ATP8A2: variants seen among roughly 807,000 people sequenced by gnomAD.
The protein encoded by ATP8A2 is ATPase phospholipid transporting 8A2.
Under a neutral mutation model 165.6 loss-of-function variants are expected in ATP8A2, and 100 were observed. The observed-to-expected ratio is 0.60, with a 90% CI of 0.51 to 0.71. The LOEUF is 0.71. Ranked by LOEUF, ATP8A2 falls within the 30% of genes least tolerant of loss-of-function variation. The probability of loss-of-function intolerance (pLI) is 0.00; values close to 1 mark genes in which losing one functional copy is unlikely to be tolerated. For missense variants in ATP8A2, 1,227 were observed against 1,479.5 expected (o/e 0.83, Z 2.80); for synonymous variants, 543 against 548.8 (o/e 0.99, Z 0.15).
chr13:25,562,426 C>T (rs560567255), intron 15 of ATP8A2, among the ~76,000 whole-genome samples: 1 of 152,232 alleles, frequency 6.6e-6, no homozygotes, highest in South Asian at 2.1e-4. Context: ...CACAAGAAAC[C>T]TGACTGCTAG....
intron 27 of ATP8A2, among the ~76,000 whole-genome samples, chr13:25,786,291 C>T (rs1455408308): frequency 6.6e-6 from 1 of 152,214 alleles, no homozygotes; most frequent in Non-Finnish European, 1.5e-5. Flanking sequence ...ATGCCCTTAA[C>T]TTCTCAGTTC....
intron 2 of ATP8A2, among the ~76,000 whole-genome samples, chr13:25,496,363 G>A (rs908169703): frequency 9.2e-5 from 14 of 152,140 alleles, no homozygotes; most frequent in African/African-American, 2.7e-4. Context: ...TTCCTATTGC[G>A]TCTGGCTTAT....
chr13:25,656,788 C>T (rs1176596832), intron 24 of ATP8A2, among the ~76,000 whole-genome samples: 2 of 149,506 alleles, frequency 1.3e-5, no homozygotes, highest in Non-Finnish European at 3.0e-5. Flanking sequence ...TGTGGTGGCT[C>T]ACACCTGTAA....
chr13:25,948,519 G>A (rs1053792873), intron 33 of ATP8A2, among the ~76,000 whole-genome samples: 19 of 152,218 alleles, frequency 1.2e-4, no homozygotes, highest in East Asian at 3.9e-4. Context: ...TTGGAGCCCC[G>A]GCAGCCTGCT....
intron 1 of ATP8A2, among the ~76,000 whole-genome samples, chr13:25,447,278 G>A (rs967106468): frequency 2.0e-4 from 30 of 151,772 alleles, no homozygotes; most frequent in African/African-American, 6.8e-4. Flanking sequence ...TTTTTAATCG[G>A]TACATAATTG....
intron 24 of ATP8A2, among the ~76,000 whole-genome samples, chr13:25,590,318 G>A (rs1020558506): frequency 1.3e-5 from 2 of 152,130 alleles, no homozygotes; most frequent in Non-Finnish European, 2.9e-5. Context: ...CCAGCTGCTT[G>A]GGAGGCTGAG....
chr13:25,842,395 C>CA (rs1345272837), intron 30 of ATP8A2, among the ~76,000 whole-genome samples: 3 of 152,158 alleles, frequency 2.0e-5, no homozygotes, highest in Non-Finnish European at 4.4e-5. Context: ...TGGGATGTGG[C>CA]TGGGCGTGGT....
chr13:25,913,688 ATTAAG>A (rs1954187263), intron 33 of ATP8A2, among the ~76,000 whole-genome samples: 1 of 152,184 alleles, frequency 6.6e-6, no homozygotes, highest in Non-Finnish European at 1.5e-5. Flanking sequence ...GTCTTTAGAA[ATTAAG>A]TTATCTTAGG....
chr13:25,413,285 T>G (rs2034029036), intron 1 of ATP8A2, among the ~76,000 whole-genome samples: 3 of 144,450 alleles, frequency 2.1e-5, no homozygotes, highest in Admixed American at 1.4e-4. Context: ...TTTGTTTTTT[T>G]TTTTTTTTTT....
chr13:26,018,794 A>G (rs1315470575), intron 36 of ATP8A2, among the ~76,000 whole-genome samples: 1 of 152,176 alleles, frequency 6.6e-6, no homozygotes, highest in Non-Finnish European at 1.5e-5. Context: ...GCAGGTCACA[A>G]AAATCTCTGT....
At chr13:25,437,899 C>A (rs2034824454) in intron 1 of ATP8A2, among the ~76,000 whole-genome samples, 1 of 152,158 alleles carries the variant, frequency 6.6e-6, no homozygotes, top group Non-Finnish European at 1.5e-5. Flanking sequence ...TGCCACTGGA[C>A]AACCTCCAAT....
intron 28 of ATP8A2, among the ~76,000 whole-genome samples, chr13:25,830,343 A>G (rs955867227): frequency 1.3e-5 from 2 of 152,082 alleles, no homozygotes; most frequent in Admixed American, 6.6e-5. Context: ...TAGGGTTGAG[A>G]TTATATTTTA....
In ATP8A2 at chr13:25,862,388, G is replaced by A. The variant is rs1335244664; in HGVS notation, c.3163G>A (p.Ala1055Thr). The A allele has an allele frequency of 6.2e-7, 1 of 1,613,790 alleles. No individual in the cohort carries two copies. Among genetic ancestry groups the A allele is most frequent in the South Asian group, 1.1e-5 (1 of 91,070 alleles). The change falls in exon 33 of 37, where the codon GCT (alanine) becomes ACT (threonine). Residue 1055 changes from alanine (A) to threonine (T), a missense_variant. Physicochemically the swap from Ala to Thr is moderately conservative, Grantham distance 58. Around this residue, in one of 5 missense-constraint regions of ATP8A2, gnomAD observed 260 missense variants for 245.1 expected, o/e 1.06. Coordinates refer to ENST00000381655, the MANE Select transcript of ATP8A2 (RefSeq NM_016529.6). ...GACCATCTGGCCCACCATTCCCATT[G>A]CTCCAGATATGAGAGGACAGGTAAG... The part of the protein sequence containing the change: ...YSTIWPTIPI[A>T]PDMRGQATMV...
chr13:25,615,389 G>T (rs61336046), intron 24 of ATP8A2, among the ~76,000 whole-genome samples: 2 of 151,908 alleles, frequency 1.3e-5, no homozygotes, highest in East Asian at 3.9e-4. Context: ...CATTCCTACC[G>T]TATGTCCCCC....
At chr13:25,573,937 T>C (rs1226085619) in intron 18 of ATP8A2, among the ~76,000 whole-genome samples, 2 of 152,222 alleles carry the variant, frequency 1.3e-5, no homozygotes, top group Non-Finnish European at 2.9e-5. Flanking sequence ...GTAATTTGAA[T>C]GTGTTACTTC....
chr13:25,699,097 C>T, intron 24 of ATP8A2, 76 bp from the exon 25 acceptor site: 1 of 1,205,510 alleles, frequency 8.3e-7, no homozygotes, highest in Non-Finnish European at 1.1e-6. Flanking sequence ...TTTCAAGAAA[C>T]TTAATTTTGA....
chr13:25,658,794 A>G (rs1028910058), intron 24 of ATP8A2, among the ~76,000 whole-genome samples: 1 of 152,150 alleles, frequency 6.6e-6, no homozygotes, highest in African/African-American at 2.4e-5. Context: ...AAAATCATCT[A>G]ACAAGAGCCC....
At chr13:25,949,215 A>C (rs1254793774) in intron 33 of ATP8A2, among the ~76,000 whole-genome samples, 1 of 152,252 alleles carries the variant, frequency 6.6e-6, no homozygotes, top group Non-Finnish European at 1.5e-5. Flanking sequence ...CTGCAGGGGC[A>C]GGAGAACAGC....
chr13:25,459,765 G>A (rs190655674), intron 1 of ATP8A2, among the ~76,000 whole-genome samples: 1 of 152,310 alleles, frequency 6.6e-6, no homozygotes, highest in Admixed American at 6.5e-5. Flanking sequence ...CAGAGCTGAT[G>A]TCTTGAGGAA....
Sources: allele counts gnomAD v4.1 joint callset (sites outside exome capture counted in the v4.1 genomes callset), GRCh38; gene constraint gnomAD v4.1.1; regional missense constraint gnomAD v4.1.1; transcripts MANE v1.5; gene names NCBI Gene and HGNC (gene_info 2026-07-23, HGNC 2026-07-21).